The following PAK3 variants were observed in gnomAD, a reference collection of about 807,000 sequenced individuals.
The protein encoded by PAK3 is serine/threonine-protein kinase PAK 3.
A neutral mutation model predicts 41.0 loss-of-function variants in PAK3; 4 were observed. The observed-to-expected ratio is 0.10, with a 90% CI of 0.05 to 0.22. The LOEUF is 0.22. Among genes scored for constraint, PAK3 ranks in the 10% least tolerant of loss-of-function variants. The probability of loss-of-function intolerance (pLI) is 1.00; values close to 1 mark genes in which losing one functional copy is unlikely to be tolerated. For synonymous variants in PAK3, 146 were observed against 139.6 expected (o/e 1.05, Z -0.32); for missense variants, 205 against 409.9 (o/e 0.50, Z 4.32).
chrX:111,146,662 G>A (rs761042786), intron 6 of PAK3: 2 of 465,446 alleles, frequency 4.3e-6, no homozygotes, highest in African/African-American at 2.5e-5. Flanking sequence ...TAGAGTTGTT[G>A]CTTGGCTTAT....
intron 11 of PAK3, among the ~76,000 whole-genome samples, chrX:111,186,894 G>A (rs922692869): frequency 1.8e-5 from 2 of 111,399 alleles, no homozygotes; most frequent in African/African-American, 3.3e-5. Flanking sequence ...ACCCCAGGCC[G>A]TTGCAAAGCT....
At chrX:111,129,113 CT>C (rs779938912) in intron 5 of PAK3, among the ~76,000 whole-genome samples, 3 of 111,595 alleles carry the variant, frequency 2.7e-5, no homozygotes, top group Non-Finnish European at 5.7e-5. Flanking sequence ...CTCAGTTATC[CT>C]TTATGGTCTT....
intron 1 of PAK3, among the ~76,000 whole-genome samples, chrX:111,074,143 A>G (rs1843012340): frequency 8.9e-6 from 1 of 112,194 alleles, no homozygotes; most frequent in African/African-American, 3.2e-5. Flanking sequence ...AAAGCATTTG[A>G]CAAAATTCAA....
chrX:111,217,364 G>C, intron 17 of PAK3: 1 of 366,305 alleles, frequency 2.7e-6, no homozygotes, highest in Non-Finnish European at 4.8e-6. Flanking sequence ...GTGTTTCTCA[G>C]GGACATGTAT....
At chrX:111,214,605 C>T (rs2094856808) in intron 16 of PAK3, among the ~76,000 whole-genome samples, 1 of 111,479 alleles carries the variant, frequency 9.0e-6, no homozygotes, top group African/African-American at 3.3e-5. Context: ...TTTACTGAAA[C>T]TCTTGGGGTG....
At chrX:110,966,358 C>T (rs1436053497) in intron 1 of PAK3, among the ~76,000 whole-genome samples, 1 of 110,440 alleles carries the variant, frequency 9.1e-6, no homozygotes, top group Non-Finnish European at 1.9e-5. Flanking sequence ...CCTCTACAGG[C>T]CCACTGCTTC....
At chrX:111,167,412 T>C (rs1040130796) in intron 10 of PAK3, among the ~76,000 whole-genome samples, 2 of 111,015 alleles carry the variant, frequency 1.8e-5, no homozygotes, top group African/African-American at 3.3e-5. Flanking sequence ...CATCCTTACC[T>C]TCAGTGTCAG....
intron 1 of PAK3, among the ~76,000 whole-genome samples, chrX:111,048,080 G>T (rs1023975908): frequency 1.8e-5 from 2 of 111,076 alleles, no homozygotes; most frequent in African/African-American, 6.6e-5. Flanking sequence ...GTATATCATT[G>T]TCAATATCCT....
chrX:111,066,873 G>A (rs1051062195), intron 1 of PAK3, among the ~76,000 whole-genome samples: 2 of 111,751 alleles, frequency 1.8e-5, no homozygotes, highest in Non-Finnish European at 3.8e-5. Context: ...GCTGAGAGAG[G>A]TTAAATAACT....
At chrX:110,964,880 T>C (rs1376644743) in intron 1 of PAK3, among the ~76,000 whole-genome samples, 1 of 111,475 alleles carries the variant, frequency 9.0e-6, no homozygotes, top group Admixed American at 9.4e-5. Context: ...ACTGGCTGGC[T>C]TGCTGGCTGG....
rs776661414 is a variant in PAK3, at chrX:111,163,549, T to C, written c.601-13T>C. ...CCTGCTGTTTTAATTGCAGAGCTTT[T>C]TGGTTTTTTTAGATCTATACTCGTT... On this transcript the variant is annotated splice_polypyrimidine_tract_variant and intron_variant, in intron 9 of 17. Transcript: ENST00000372007. 102 of 1,188,158 alleles carry C rather than the reference T, an allele frequency of 8.6e-5. No homozygotes were observed. The highest frequency in any genetic ancestry group is 1.1e-4 in the Non-Finnish European group (98 of 875,612).
At chrX:111,129,282 T>C (rs1037675431) in intron 5 of PAK3, among the ~76,000 whole-genome samples, 1 of 111,789 alleles carries the variant, frequency 8.9e-6, no homozygotes, top group Admixed American at 9.5e-5. Context: ...ACTGCACCAA[T>C]AATGTGTAAG....
intron 1 of PAK3, among the ~76,000 whole-genome samples, chrX:111,067,116 T>A (rs991877857): frequency 1.8e-5 from 2 of 111,857 alleles, no homozygotes; most frequent in Non-Finnish European, 3.8e-5. Context: ...ATAACAAAAA[T>A]TTTGTCTCTT....
intron 1 of PAK3, among the ~76,000 whole-genome samples, chrX:110,955,323 G>A (rs940574154): frequency 2.7e-5 from 3 of 111,736 alleles, no homozygotes; most frequent in African/African-American, 9.8e-5. Context: ...TTTCTTTCCC[G>A]CAGCTCTTTC....
At chrX:111,068,663 G>A (rs142799955) in intron 1 of PAK3, among the ~76,000 whole-genome samples, 2,320 of 112,007 alleles carry the variant, frequency 0.021, 57 homozygotes, top group African/African-American at 0.071. Context: ...AGCTTAGTTC[G>A]TTGACTTTTC....
At chrX:111,064,315 A>G (rs1410080325) in intron 1 of PAK3, among the ~76,000 whole-genome samples, 1 of 110,593 alleles carries the variant, frequency 9.0e-6, no homozygotes, top group African/African-American at 3.3e-5. Flanking sequence ...TTTATTTTAG[A>G]TTCTGGGGGT....
Position 111,220,481 on chromosome X carries a change from T to C in PAK3, c.*34T>C, listed in dbSNP as rs1174184778. 1 of 884,053 alleles carries C rather than the reference T, an allele frequency of 1.1e-6. No individual in the cohort carries two copies. The highest frequency in any genetic ancestry group is 3.1e-5 in the East Asian group (1 of 32,023). The allele number at this position is 884,053 out of a possible 1,213,427, so 72.9% of individuals were successfully genotyped here. On this transcript the variant is annotated 3_prime_UTR_variant, in exon 18 of 18. Coordinates refer to ENST00000372007, the MANE Select transcript of PAK3 (RefSeq NM_002578.5). ...GCCTTACACCTCACCATCTCCCTCATGAGTAAGACTGAAATAAAACTCTGC... is the reference window on the plus strand; with the variant it reads ...GCCTTACACCTCACCATCTCCCTCACGAGTAAGACTGAAATAAAACTCTGC...
At chrX:111,196,854 C>CTTTTT (rs375476309) in intron 16 of PAK3, among the ~76,000 whole-genome samples, 1 of 79,231 alleles carries the variant, frequency 1.3e-5, no homozygotes, top group South Asian at 5.8e-4. Context: ...TTCTTTCTTT[C>CTTTTT]TTTTTTTTTT....
rs745578587 is a variant in PAK3, at chrX:111,079,693, T to A, written c.-27-43384T>A. On this transcript the variant is annotated intron_variant, in intron 1 of 14. Transcript: ENST00000425146. ...TTAAGAAATACATTTTATAAGGTTA[T>A]AACTGCCATGGATAGCAATTCTTCT... is the stretch of plus-strand genomic sequence containing the variant. Among the ~76,000 whole-genome samples, 7 of 112,523 alleles carry A rather than the reference T, an allele frequency of 6.2e-5. 1 individual carries two copies. The South Asian group carries it at 2.6e-3, about 42-fold the overall frequency.
Sources: gnomAD v4.1 joint callset for allele counts (sites outside exome capture counted in the v4.1 genomes callset) on GRCh38, gnomAD v4.1.1 for gene constraint, MANE v1.5 for transcripts, NCBI Gene and HGNC (gene_info 2026-07-23, HGNC 2026-07-21) for gene names.